Variants in CNTNAP4 observed in about 807,000 individuals in gnomAD.
The protein encoded by CNTNAP4 is contactin-associated protein-like 4.
A neutral mutation model predicts 148.4 loss-of-function variants in CNTNAP4; 98 were observed. The observed-to-expected ratio is 0.66, with a 90% CI of 0.56 to 0.78. The LOEUF is 0.78. Among genes scored for constraint, CNTNAP4 ranks in the 30% least tolerant of loss-of-function variants. The pLI is 0.00. For synonymous variants in CNTNAP4, 730 were observed against 565.1 expected (o/e 1.29, Z -4.14); for missense variants, 1,935 against 1,565.6 (o/e 1.24, Z -3.98).
chr16:76,372,194 C>T (rs2014908794), intron 3 of CNTNAP4, among the ~76,000 whole-genome samples: 1 of 142,714 alleles, frequency 7.0e-6, no homozygotes, highest in Non-Finnish European at 1.5e-5. Flanking sequence ...GGCTTGAATG[C>T]AGTGGCGCAA....
chr16:76,451,644 A>G (rs1055321267), intron 7 of CNTNAP4, among the ~76,000 whole-genome samples: 1 of 70,418 alleles, frequency 1.4e-5, no homozygotes, highest in Non-Finnish European at 4.1e-5. Flanking sequence ...TATTTTATCC[A>G]TAAAATGAGT....
intron 21 of CNTNAP4, among the ~76,000 whole-genome samples, chr16:76,544,116 T>C (rs2144322488): frequency 6.6e-6 from 1 of 152,198 alleles, no homozygotes; most frequent in South Asian, 2.1e-4. Flanking sequence ...GATAAAGTAG[T>C]CCCAAATTAC....
intron 4 of CNTNAP4, among the ~76,000 whole-genome samples, chr16:76,434,410 G>T (rs1362374350): frequency 6.6e-6 from 1 of 152,132 alleles, no homozygotes. Flanking sequence ...CAAGTCAATG[G>T]CTGCACACCA....
intron 15 of CNTNAP4, among the ~76,000 whole-genome samples, chr16:76,519,116 C>T (rs756628499): frequency 8.5e-5 from 13 of 152,110 alleles, no homozygotes; most frequent in Non-Finnish European, 1.8e-4. Context: ...GAAATATTGG[C>T]CTTTGCTTTC....
intron 2 of CNTNAP4, among the ~76,000 whole-genome samples, chr16:76,349,133 G>T (rs188261617): frequency 6.6e-5 from 10 of 152,096 alleles, no homozygotes; most frequent in Non-Finnish European, 1.5e-4. Context: ...TTCAGAACTT[G>T]ATCTCACTTC....
intron 3 of CNTNAP4, among the ~76,000 whole-genome samples, chr16:76,384,631 G>C (rs1459637871): frequency 6.6e-6 from 1 of 152,150 alleles, no homozygotes; most frequent in Non-Finnish European, 1.5e-5. Flanking sequence ...TACCTTAGGA[G>C]ATTCCGCGCT....
At chr16:76,288,111 TCCCCATAC>T (rs1462548501) in intron 1 of CNTNAP4, among the ~76,000 whole-genome samples, 2 of 152,062 alleles carry the variant, frequency 1.3e-5, no homozygotes, top group Non-Finnish European at 1.5e-5. Context: ...GGGGCGGTTG[TCCCCATAC>T]TGTTCTTGTT....
intron 1 of CNTNAP4, among the ~76,000 whole-genome samples, chr16:76,311,857 G>A (rs920792700): frequency 6.6e-6 from 1 of 152,164 alleles, no homozygotes; most frequent in African/African-American, 2.4e-5. Flanking sequence ...TGGCTCAGCA[G>A]TAAAGGGACC....
At chr16:76,496,302 T>C (rs1464528720) in intron 14 of CNTNAP4, among the ~76,000 whole-genome samples, 1 of 152,098 alleles carries the variant, frequency 6.6e-6, no homozygotes, top group Non-Finnish European at 1.5e-5. Flanking sequence ...ATGCTAGTAG[T>C]AATGCTTAGC....
At chr16:76,356,008 T>G (rs934500818) in intron 3 of CNTNAP4, among the ~76,000 whole-genome samples, 1 of 151,786 alleles carries the variant, frequency 6.6e-6, no homozygotes, top group Non-Finnish European at 1.5e-5. Context: ...CCAAGTAGCT[T>G]GGATTATAGT....
chr16:76,384,421 G>C (rs147542569), intron 3 of CNTNAP4, among the ~76,000 whole-genome samples: 5 of 152,104 alleles, frequency 3.3e-5, no homozygotes, highest in African/African-American at 7.2e-5. Flanking sequence ...GGACCAAGCT[G>C]AATAAAGGAT....
Position 76,558,887 on chromosome 16 carries a change from A to G in CNTNAP4, c.*204A>G, listed in dbSNP as rs1290725182. ...TAGCATTCATTCTATGGAACAAGAA[A>G]TTAGATATTGCTGTTAATTTTCAAC... is the stretch of plus-strand genomic sequence containing the variant. On this transcript the variant is annotated 3_prime_UTR_variant, in exon 24 of 24. Coordinates refer to ENST00000611870, the MANE Select transcript of CNTNAP4 (RefSeq NM_033401.5). The G allele has an allele frequency of 2.3e-6, 1 of 428,820 alleles. No homozygotes were observed. The highest frequency in any genetic ancestry group is 4.1e-6 in the Non-Finnish European group (1 of 242,986). 26.6% of individuals were successfully genotyped at this position (428,820 alleles called of 1,614,324 possible). A position where few individuals can be genotyped will look rare whatever the true frequency, so the allele number is the denominator to read the frequency against.
chr16:76,306,950 G>C (rs527926763), intron 1 of CNTNAP4, among the ~76,000 whole-genome samples: 3 of 152,278 alleles, frequency 2.0e-5, no homozygotes, highest in Admixed American at 1.3e-4. Context: ...ACCAGAGCAA[G>C]AATTTGAGGA....
At chr16:76,317,469 T>A in intron 2 of CNTNAP4, among the ~76,000 whole-genome samples, 1 of 152,196 alleles carries the variant, frequency 6.6e-6, no homozygotes, top group East Asian at 1.9e-4. Flanking sequence ...TTTCATAACA[T>A]ACTAAGGTAA....
At chr16:76,479,093 A>G (rs900749799) in intron 11 of CNTNAP4, among the ~76,000 whole-genome samples, 4 of 152,238 alleles carry the variant, frequency 2.6e-5, no homozygotes, top group Admixed American at 2.6e-4. Context: ...TTATACTTAT[A>G]AGGCTCCAAC....
chr16:76,500,131 C>A lies in CNTNAP4; in HGVS notation c.2365+1437C>A, dbSNP rs567944428. ...GGGGCTCCGCACTTCCCAGACGGGGCGGCTGGGCAGAGGTGCCCCCCACCT... is the reference window on the plus strand; with the variant it reads ...GGGGCTCCGCACTTCCCAGACGGGGAGGCTGGGCAGAGGTGCCCCCCACCT... On this transcript the variant is annotated intron_variant, in intron 15 of 23. Transcript: ENST00000611870. Among the ~76,000 whole-genome samples, 228 of 152,154 alleles carry A rather than the reference C, an allele frequency of 1.5e-3. 1 individual carries two copies. Among genetic ancestry groups the A allele is most frequent in the African/African-American group, 5.3e-3 (222 of 41,536 alleles).
intron 3 of CNTNAP4, among the ~76,000 whole-genome samples, chr16:76,369,319 G>C (rs1404181019): frequency 6.6e-6 from 1 of 152,008 alleles, no homozygotes; most frequent in East Asian, 1.9e-4. Context: ...ATGGTATTAT[G>C]GTTACTGCTG....
At chr16:76,348,237 T>C (rs1335750653) in intron 2 of CNTNAP4, among the ~76,000 whole-genome samples, 1 of 151,500 alleles carries the variant, frequency 6.6e-6, no homozygotes, top group Non-Finnish European at 1.5e-5. Flanking sequence ...ATTACCATTA[T>C]ATGGGGCTGG....
At chr16:76,448,541 C>T (rs1012682621) in intron 5 of CNTNAP4, among the ~76,000 whole-genome samples, 2 of 151,800 alleles carry the variant, frequency 1.3e-5, no homozygotes, top group African/African-American at 4.8e-5. Context: ...AGAAAATGAG[C>T]GTGCAATCAG....
Sources: allele counts gnomAD v4.1 joint callset (sites outside exome capture counted in the v4.1 genomes callset), GRCh38; gene constraint gnomAD v4.1.1; transcripts MANE v1.5; gene names NCBI Gene and HGNC (gene_info 2026-07-23, HGNC 2026-07-21).